Variants in PIK3R3 observed in about 807,000 individuals in gnomAD.
PIK3R3 encodes the protein phosphoinositide-3-kinase regulatory subunit 3, also known as phosphatidylinositol 3-kinase regulatory subunit gamma.
Under a neutral mutation model 62.9 loss-of-function variants are expected in PIK3R3, and 64 were observed. The observed-to-expected ratio is 1.02, with a 90% confidence interval of 0.83 to 1.25. PIK3R3 has a LOEUF of 1.25. Ranked by LOEUF, PIK3R3 falls within the 50% of genes most tolerant of loss-of-function variation. The pLI is 0.00. For missense variants in PIK3R3, 614 were observed against 561.6 expected (o/e 1.09, Z -0.94); for synonymous variants, 165 against 189.0 (o/e 0.87, Z 1.04).
the PIK3R3 span, among the ~76,000 whole-genome samples, chr1:46,173,539 G>C: frequency 6.6e-6 from 1 of 152,196 alleles, no homozygotes; most frequent in African/African-American, 2.4e-5. Flanking sequence ...TCCAGCCTGA[G>C]AGCCTGGTGT....
At chr1:46,158,592 G>T in the PIK3R3 span, among the ~76,000 whole-genome samples, 427 of 152,326 alleles carry the variant, frequency 2.8e-3, 2 homozygotes, top group African/African-American at 9.3e-3. Context: ...GGGACAGTAG[G>T]CATCTTAAGA....
the PIK3R3 span, among the ~76,000 whole-genome samples, chr1:46,169,948 C>T: frequency 3.9e-5 from 6 of 152,274 alleles, no homozygotes; most frequent in Admixed American, 3.3e-4. Flanking sequence ...AGATGATCAG[C>T]CCCCCTAGGC....
chr1:46,126,195 C>A (rs1030720694), intron 1 of PIK3R3, among the ~76,000 whole-genome samples: 4 of 152,086 alleles, frequency 2.6e-5, no homozygotes, highest in Non-Finnish European at 5.9e-5. Flanking sequence ...GAGGTTATAA[C>A]CTGTAATATC....
At chr1:46,069,389 G>T (rs1275024481) in intron 3 of PIK3R3, among the ~76,000 whole-genome samples, 2 of 151,872 alleles carry the variant, frequency 1.3e-5, no homozygotes, top group African/African-American at 4.8e-5. Flanking sequence ...CGTGGTGGAG[G>T]GCACCTGTAA....
chr1:46,065,691 TA>T (rs1648920809), intron 5 of PIK3R3, among the ~76,000 whole-genome samples: 1 of 152,218 alleles, frequency 6.6e-6, no homozygotes, highest in Non-Finnish European at 1.5e-5. Flanking sequence ...TGATGGCTGA[TA>T]TTAGAGTAAG....
chr1:46,053,597 G>A (rs1442045437), intron 7 of PIK3R3, among the ~76,000 whole-genome samples: 2 of 152,118 alleles, frequency 1.3e-5, no homozygotes, highest in Non-Finnish European at 2.9e-5. Context: ...GGTAGAAGGT[G>A]CCATCTATGA....
intron 1 of PIK3R3, among the ~76,000 whole-genome samples, chr1:46,126,756 G>A (rs2149475033): frequency 6.7e-6 from 1 of 149,280 alleles, no homozygotes; most frequent in African/African-American, 2.5e-5. Context: ...GGGCAACAAA[G>A]CAAGACCCTG....
rs965610294 is a variant in PIK3R3 at position 46,091,347 on chromosome 1, G to C, written c.107-10597C>G. On this transcript the variant is annotated intron_variant, in intron 1 of 9. Coordinates refer to ENST00000262741, the MANE Select transcript of PIK3R3 (RefSeq NM_003629.4). The stretch of plus-strand genomic sequence containing the variant: ...GTAAAGACGGGGTTTCCCCATGTTG[G>C]CCAGGCTGGTCTTGAACTCCTGACC... Among the ~76,000 whole-genome samples, 15 of 151,658 alleles carry C rather than the reference G, an allele frequency of 9.9e-5. 1 individual carries two copies. The highest frequency in any genetic ancestry group is 6.3e-4 in the South Asian group (3 of 4,786).
At chr1:46,137,046 C>A (rs1655958341), upstream of PIK3R3, among the ~76,000 whole-genome samples, 1 of 152,150 alleles carries the variant, frequency 6.6e-6, no homozygotes, top group Non-Finnish European at 1.5e-5. Flanking sequence ...TATTTTTATT[C>A]TCATTTTACA....
intron 1 of PIK3R3, among the ~76,000 whole-genome samples, chr1:46,129,873 A>G (rs1655426520): frequency 6.6e-6 from 1 of 152,178 alleles, no homozygotes; most frequent in Non-Finnish European, 1.5e-5. Flanking sequence ...CAGCATATGT[A>G]TTTTTCAGTA....
At chr1:46,147,647 G>T in the PIK3R3 span, among the ~76,000 whole-genome samples, 1 of 148,556 alleles carries the variant, frequency 6.7e-6, no homozygotes, top group Non-Finnish European at 1.5e-5. Flanking sequence ...TCTCGATCTC[G>T]ATCTCCTGAC....
At chr1:46,159,518 C>T in the PIK3R3 span, among the ~76,000 whole-genome samples, 1 of 152,162 alleles carries the variant, frequency 6.6e-6, no homozygotes. Flanking sequence ...CTCTCTGCCC[C>T]TTAAGGACCA....
the PIK3R3 span, among the ~76,000 whole-genome samples, chr1:46,153,879 C>T: frequency 1.3e-5 from 2 of 152,178 alleles, no homozygotes; most frequent in Admixed American, 6.6e-5. Flanking sequence ...TACAAAGTAC[C>T]ATGAGGCAAT....
intron 5 of PIK3R3, among the ~76,000 whole-genome samples, chr1:46,064,211 T>C (rs1194101877): frequency 6.6e-6 from 1 of 150,784 alleles, no homozygotes; most frequent in Non-Finnish European, 1.5e-5. Flanking sequence ...AGACTCTGTC[T>C]CAAAAAAATA....
In PIK3R3 at chr1:46,042,623, A is replaced by T; in HGVS notation, c.*1050T>A. On this transcript the variant is annotated 3_prime_UTR_variant, in exon 10 of 10. Coordinates refer to ENST00000262741, the MANE Select transcript of PIK3R3 (RefSeq NM_003629.4). This position sits in a 1 kb window ranked among gnomAD's most constrained non-coding sequence, Gnocchi z 4.3. ...TTTACTATTTCTGCAGGGCCTTTAAACTTGGGGAAGCACATATAATAATGT... is the reference window on the plus strand; with the variant it reads ...TTTACTATTTCTGCAGGGCCTTTAATCTTGGGGAAGCACATATAATAATGT... The T allele has an allele frequency of 4.5e-6, 1 of 222,168 alleles. No homozygotes were observed. The highest frequency in any genetic ancestry group is 5.7e-5 in the Admixed American group (1 of 17,422). 13.8% of individuals were successfully genotyped at this position (222,168 alleles called of 1,614,324 possible). A position where few individuals can be genotyped will look rare whatever the true frequency, so the allele number is the denominator to read the frequency against.
intron 1 of PIK3R3, among the ~76,000 whole-genome samples, chr1:46,116,028 A>G (rs1654157231): frequency 6.6e-6 from 1 of 152,236 alleles, no homozygotes; most frequent in Non-Finnish European, 1.5e-5. Flanking sequence ...GGGATTAACC[A>G]TGCCAAACAT....
At chr1:46,077,396 T>C in intron 3 of PIK3R3, 119 bp downstream of exon 3, 2 of 480,346 alleles carry the variant, frequency 4.2e-6, no homozygotes, top group Non-Finnish European at 7.4e-6. Context: ...ATTATGTACA[T>C]AAATTAAATG....
At chr1:46,099,657 A>T (rs72677543) in intron 1 of PIK3R3, among the ~76,000 whole-genome samples, 30,583 of 152,104 alleles carry the variant, frequency 0.2, 3,576 homozygotes, top group Non-Finnish European at 0.26. Context: ...AATGATGGAC[A>T]TTTCAGCTGC....
chr1:46,103,904 A>C (rs1189459450), intron 1 of PIK3R3, among the ~76,000 whole-genome samples: 1 of 148,172 alleles, frequency 6.7e-6, no homozygotes, highest in African/African-American at 2.5e-5. Context: ...ATGATGGTAT[A>C]TTTTATATTA....
Sources: allele counts gnomAD v4.1 joint callset (sites outside exome capture counted in the v4.1 genomes callset), GRCh38; gene constraint gnomAD v4.1.1; non-coding constraint Gnocchi (gnomAD v3.1); transcripts MANE v1.5; gene names NCBI Gene and HGNC (gene_info 2026-07-23, HGNC 2026-07-21).